The following ARFGEF1 variants were observed in gnomAD, a reference collection of about 807,000 sequenced individuals.
ARFGEF1 encodes brefeldin A-inhibited guanine nucleotide-exchange protein 1.
Under a neutral mutation model 231.0 loss-of-function variants are expected in ARFGEF1, and 42 were observed. The observed-to-expected ratio is 0.18, with a 90% CI of 0.14 to 0.24. The LOEUF is 0.24. Among genes scored for constraint, ARFGEF1 ranks in the 10% least tolerant of loss-of-function variants. ARFGEF1 has a pLI of 1.00. For missense variants in ARFGEF1, 1,345 were observed against 2,192.0 expected, an observed-to-expected ratio of 0.61 and a Z score of 7.72; for synonymous variants, 710 against 732.3, an observed-to-expected ratio of 0.97 and a Z score of 0.49.
chr8:67,264,574 G>GA (rs1428529839), intron 14 of ARFGEF1, among the ~76,000 whole-genome samples: 1 of 152,022 alleles, frequency 6.6e-6, no homozygotes, highest in African/African-American at 2.4e-5. Context: ...CACGCAGGAA[G>GA]AAAGAAAAAA....
chr8:67,205,565 G>C (rs1286151876), intron 34 of ARFGEF1, among the ~76,000 whole-genome samples: 1 of 152,136 alleles, frequency 6.6e-6, no homozygotes, highest in Non-Finnish European at 1.5e-5. Context: ...CTGAAAACAG[G>C]GAATAAAGGG....
rs562507737 is a variant in ARFGEF1, at chr8:67,245,327, A to G, written c.2851-5037T>C. ...AAAGTACACAGAAAAATATAGTATT[A>G]TAACACTGTGTAACTGTGGACATGT... On this transcript the variant is annotated intron_variant, in intron 19 of 38. Coordinates refer to ENST00000262215, the MANE Select transcript of ARFGEF1 (RefSeq NM_006421.5). Among the ~76,000 whole-genome samples the G allele has an allele frequency of 2.4e-4, 36 of 150,686 alleles. 2 individuals are homozygous for G. The highest frequency in any genetic ancestry group is 6.9e-4 in the African/African-American group (28 of 40,478).
chr8:67,281,489 A>G (rs1036260749), intron 7 of ARFGEF1, among the ~76,000 whole-genome samples: 2 of 152,150 alleles, frequency 1.3e-5, no homozygotes, highest in Non-Finnish European at 2.9e-5. Context: ...CAAAAACAAA[A>G]GCAATCATCA....
intron 29 of ARFGEF1, among the ~76,000 whole-genome samples, chr8:67,221,459 A>C (rs892954798): frequency 6.6e-6 from 1 of 152,180 alleles, no homozygotes; most frequent in Non-Finnish European, 1.5e-5. Context: ...TTAGTTTTTA[A>C]CAAAAAAGTC....
intron 14 of ARFGEF1, among the ~76,000 whole-genome samples, chr8:67,264,285 GGAGATC>G (rs1449814843): frequency 6.6e-6 from 1 of 152,040 alleles, no homozygotes; most frequent in Non-Finnish European, 1.5e-5. Context: ...AATAGTGGTG[GGAGATC>G]GAGAAAAGAG....
At chr8:67,301,715 CCTTT>C (rs1300634987) in intron 2 of ARFGEF1, among the ~76,000 whole-genome samples, 11 of 152,052 alleles carry the variant, frequency 7.2e-5, no homozygotes, top group East Asian at 3.8e-4. Flanking sequence ...AAAGCAATGG[CCTTT>C]CTATTTGTCC....
intron 19 of ARFGEF1, among the ~76,000 whole-genome samples, chr8:67,245,729 T>G (rs1462654315): frequency 6.7e-6 from 1 of 149,916 alleles, no homozygotes; most frequent in Admixed American, 6.7e-5. Context: ...ATAACAAAAT[T>G]GGAAGAGTAA....
intron 9 of ARFGEF1, among the ~76,000 whole-genome samples, chr8:67,273,988 C>T (rs1805208028): frequency 1.3e-5 from 2 of 152,084 alleles, no homozygotes; most frequent in South Asian, 4.2e-4. Context: ...TTTGTATTCC[C>T]AACATTTAAC....
chr8:67,271,638 T>C, intron 10 of ARFGEF1, 64 bp downstream of exon 10: 4 of 1,191,056 alleles, frequency 3.4e-6, no homozygotes, highest in Non-Finnish European at 4.8e-6. Context: ...TGTATTCAAA[T>C]ATAATTTAAC....
At chr8:67,282,551 G>A (rs999774687) in intron 7 of ARFGEF1, among the ~76,000 whole-genome samples, 24 of 151,976 alleles carry the variant, frequency 1.6e-4, no homozygotes, top group African/African-American at 3.4e-4. Context: ...GTATGTGCTC[G>A]GAAATAAAAA....
intron 1 of ARFGEF1, among the ~76,000 whole-genome samples, chr8:67,323,067 C>A (rs1041983893): frequency 2.0e-5 from 3 of 152,102 alleles, no homozygotes; most frequent in Non-Finnish European, 4.4e-5. Flanking sequence ...GCCTGGCCAA[C>A]ATGGTGAAAC....
rs1806053791 is a variant in ARFGEF1 at position 67,292,531 on chromosome 8, G to A, written c.640-408C>T. 3.3e-5 allele frequency among the ~76,000 whole-genome samples: 5 copies of A among 152,030 alleles called. No homozygotes were observed. The South Asian group carries it at 1.0e-3, about 32-fold the overall frequency. ...CAAGAGTGGGAGGCAACTTTTCAGT[G>A]TTTATCCTTCTGGAGCATGTTCTTA... is the stretch of plus-strand genomic sequence containing the variant. On this transcript the variant is annotated intron_variant, in intron 5 of 38. Coordinates refer to ENST00000262215, the MANE Select transcript of ARFGEF1 (RefSeq NM_006421.5).
chr8:67,334,277 C>A (rs1245217545), intron 1 of ARFGEF1, among the ~76,000 whole-genome samples: 23 of 124,782 alleles, frequency 1.8e-4, no homozygotes, highest in Admixed American at 2.6e-4. Context: ...GCAAATATTC[C>A]AAAGTCCAAA....
At chr8:67,293,599 A>G (rs79579176) in intron 5 of ARFGEF1, among the ~76,000 whole-genome samples, 1,896 of 152,282 alleles carry the variant, frequency 0.012, 43 homozygotes, top group African/African-American at 0.044. Flanking sequence ...GTCTTTAAGG[A>G]CTGATATGAA....
chr8:67,214,598 TGCC>T (rs747823855), intron 33 of ARFGEF1, among the ~76,000 whole-genome samples: 1 of 152,160 alleles, frequency 6.6e-6, no homozygotes. Context: ...GACAACTTTT[TGCC>T]AAAGAGATTA....
chr8:67,307,135 C>T (rs983360216), intron 1 of ARFGEF1, among the ~76,000 whole-genome samples: 1 of 152,236 alleles, frequency 6.6e-6, no homozygotes, highest in African/African-American at 2.4e-5. Flanking sequence ...AGCATTGTCT[C>T]CTTCAAAGCA....
chr8:67,190,565 T>G (rs929755342), intron 5 of ARFGEF1: 3 of 967,870 alleles, frequency 3.1e-6, no homozygotes, highest in African/African-American at 1.6e-5. Flanking sequence ...AAGCAAAATC[T>G]TAGTAATTAA....
chr8:67,230,178 A>T (rs764590412), intron 23 of ARFGEF1, among the ~76,000 whole-genome samples: 27 of 152,124 alleles, frequency 1.8e-4, no homozygotes, highest in Non-Finnish European at 3.5e-4. Context: ...CTGTGGGGGC[A>T]TTTAAAGTCA....
chr8:67,221,854 C>T (rs1839174144), intron 29 of ARFGEF1, among the ~76,000 whole-genome samples: 1 of 150,604 alleles, frequency 6.6e-6, no homozygotes, highest in African/African-American at 2.4e-5. Flanking sequence ...TGCTCTGTCG[C>T]CCAGGCTGGA....
Sources: gnomAD v4.1 joint callset for allele counts (sites outside exome capture counted in the v4.1 genomes callset) on GRCh38, gnomAD v4.1.1 for gene constraint, MANE v1.5 for transcripts, NCBI Gene and HGNC (gene_info 2026-07-23, HGNC 2026-07-21) for gene names.